Variants in CWH43 observed in about 807,000 individuals in gnomAD.
The protein encoded by CWH43 is cell wall biogenesis 43 C-terminal homolog, also known as PGAP2-interacting protein.
In CWH43, 91 loss-of-function variants were observed where a neutral mutation model predicts 85.7. The ratio of observed to expected loss-of-function variants is 1.06; its 90% CI spans 0.90 to 1.26. The LOEUF (loss-of-function observed/expected upper bound fraction) is 1.26, where lower values mean the gene tolerates loss of function less well. CWH43 is among the 50% of genes most tolerant of loss of function. The pLI, the probability that CWH43 is intolerant of heterozygous loss-of-function variation, is 0.00. For synonymous variants in CWH43, 323 were observed against 293.6 expected (o/e 1.10, Z -1.02); for missense variants, 869 against 839.2 (o/e 1.04, Z -0.44).
At chr4:49,008,885 G>A (rs1285923546) in intron 8 of CWH43, among the ~76,000 whole-genome samples, 5 of 152,184 alleles carry the variant, frequency 3.3e-5, no homozygotes, top group African/African-American at 1.2e-4. Flanking sequence ...TAGACTTGTA[G>A]TATAGTTTGA....
intron 13 of CWH43, among the ~76,000 whole-genome samples, chr4:49,039,904 C>T (rs573170577): frequency 1.5e-3 from 227 of 152,060 alleles, no homozygotes; most frequent in Non-Finnish European, 2.8e-3. Context: ...CGTCCCCACA[C>T]CCCACAACAG....
Position 49,032,598 on chromosome 4 carries a change from A to T in CWH43, c.1541A>T (p.Lys514Ile), listed in dbSNP as rs980558185. Reference sequence around the variant, plus strand: ...GCTTTGTCAAGATACCCAATTGTGAAATCTGAGCATCACCTTCTTCCGTCA... The same window carrying T: ...GCTTTGTCAAGATACCCAATTGTGATATCTGAGCATCACCTTCTTCCGTCA... ...IMALSRYPIVKSEHHLLPSPE... is the reference protein window; with the variant it reads ...IMALSRYPIVISEHHLLPSPE... The change falls in exon 12 of 16, where the codon AAA becomes ATA. Residue 514 changes from lysine (K) to isoleucine (I), a missense_variant. Lys to Ile is a moderately radical substitution (Grantham distance 102, BLOSUM62 -3). Around this residue, in one of 3 missense-constraint regions of CWH43, gnomAD observed 577 missense variants for 513.1 expected, o/e 1.12. Coordinates refer to ENST00000226432, the MANE Select transcript of CWH43 (RefSeq NM_025087.3). 2.5e-6 allele frequency: 4 copies of T among 1,614,018 alleles called. No homozygotes were observed. The highest frequency in any genetic ancestry group is 2.5e-6 in the Non-Finnish European group (3 of 1,179,942).
chr4:49,019,931 T>C (rs1783686628), intron 9 of CWH43, among the ~76,000 whole-genome samples: 1 of 152,120 alleles, frequency 6.6e-6, no homozygotes, highest in Admixed American at 6.5e-5. Flanking sequence ...ATAAGTTCTT[T>C]AGAGGTGATT....
intron 12 of CWH43, among the ~76,000 whole-genome samples, chr4:49,034,058 AC>A (rs1239522336): frequency 2.6e-5 from 4 of 152,200 alleles, no homozygotes; most frequent in African/African-American, 9.7e-5. Context: ...ATATAAATAA[AC>A]CATCCAAATA....
chr4:48,987,910 T>G (rs1031345955), intron 1 of CWH43, among the ~76,000 whole-genome samples: 1 of 152,120 alleles, frequency 6.6e-6, no homozygotes, highest in Non-Finnish European at 1.5e-5. Context: ...TTTTGGACTC[T>G]CACAATATTT....
chr4:49,013,034 A>G (rs1458795520), intron 8 of CWH43, among the ~76,000 whole-genome samples: 2 of 152,204 alleles, frequency 1.3e-5, no homozygotes, highest in Non-Finnish European at 2.9e-5. Flanking sequence ...GAGCTGTCAG[A>G]CAGGGACGTT....
chr4:48,986,567 A>C, intron 1 of CWH43, 95 bp downstream of exon 1: 1 of 1,534,336 alleles, frequency 6.5e-7, no homozygotes, highest in East Asian at 2.5e-5. Context: ...GAGTTCAGGT[A>C]GGAGGAAAAG....
At chr4:49,013,153 T>C (rs1480261669) in intron 8 of CWH43, among the ~76,000 whole-genome samples, 3 of 152,252 alleles carry the variant, frequency 2.0e-5, no homozygotes, top group Non-Finnish European at 4.4e-5. Flanking sequence ...TCCACCCTGT[T>C]CCAGCTTCCT....
chr4:49,000,923 C>T (rs2109756775), intron 6 of CWH43, among the ~76,000 whole-genome samples: 1 of 152,310 alleles, frequency 6.6e-6, no homozygotes, highest in South Asian at 2.1e-4. Context: ...CTTCATCTTC[C>T]TTTCTGATCA....
Position 49,032,586 on chromosome 4 carries a change from A to G in CWH43, c.1529A>G (p.Tyr510Cys). 2 of 1,613,998 alleles carry G rather than the reference A, an allele frequency of 1.2e-6. No homozygotes were observed. The highest frequency in any genetic ancestry group is 1.7e-6 in the Non-Finnish European group (2 of 1,179,932). The change falls in exon 12 of 16, where the codon TAC becomes TGC. Residue 510 changes from tyrosine (Y) to cysteine (C), a missense_variant. Coordinates refer to ENST00000226432, the MANE Select transcript of CWH43 (RefSeq NM_025087.3). ...HTWGIMALSRYPIVKSEHHLL... is the reference protein window; with the variant it reads ...HTWGIMALSRCPIVKSEHHLL... ...TACAGGATTATGGCTTTGTCAAGAT[A>G]CCCAATTGTGAAATCTGAGCATCAC... is the stretch of plus-strand genomic sequence containing the variant.
At chr4:49,040,435 A>C (rs1281063790) in intron 13 of CWH43, among the ~76,000 whole-genome samples, 1 of 152,126 alleles carries the variant, frequency 6.6e-6, no homozygotes, top group South Asian at 2.1e-4. Context: ...AATGATAGCC[A>C]TTCTAACTGG....
chr4:49,059,652 C>T (rs1399976943), intron 15 of CWH43, among the ~76,000 whole-genome samples: 3 of 152,180 alleles, frequency 2.0e-5, no homozygotes, highest in African/African-American at 7.2e-5. Context: ...TCTAGCTGGG[C>T]TCATGGGTGG....
At chr4:49,013,928 G>A (rs1212504553) in intron 8 of CWH43, among the ~76,000 whole-genome samples, 1 of 152,190 alleles carries the variant, frequency 6.6e-6, no homozygotes, top group Admixed American at 6.5e-5. Context: ...TGTACTGAAT[G>A]TATTTAATGT....
At chr4:49,017,420 T>A (rs1171982841) in intron 9 of CWH43, 92 bp downstream of exon 9, 2 of 900,480 alleles carry the variant, frequency 2.2e-6, no homozygotes, top group Non-Finnish European at 3.4e-6. Flanking sequence ...AACCTGGATC[T>A]GATGACTTCA....
intron 9 of CWH43, among the ~76,000 whole-genome samples, chr4:49,028,048 G>A (rs769815425): frequency 2.0e-4 from 31 of 152,272 alleles, no homozygotes; most frequent in South Asian, 1.0e-3. Context: ...GTATCCCTCT[G>A]TGTGATTTAT....
chr4:49,023,303 T>C (rs1252261933), intron 9 of CWH43, among the ~76,000 whole-genome samples: 2 of 152,222 alleles, frequency 1.3e-5, no homozygotes, highest in African/African-American at 2.4e-5. Flanking sequence ...ACAATGATCA[T>C]TCAAGAGCAG....
chr4:49,056,630 T>C (rs1302386122), intron 15 of CWH43, among the ~76,000 whole-genome samples: 1 of 152,082 alleles, frequency 6.6e-6, no homozygotes, highest in Non-Finnish European at 1.5e-5. Context: ...GTTTCATATT[T>C]TTTTTTATTT....
intron 5 of CWH43, among the ~76,000 whole-genome samples, chr4:48,996,155 C>T (rs372636631): frequency 8.5e-4 from 130 of 152,278 alleles, no homozygotes; most frequent in Non-Finnish European, 1.5e-3. Context: ...GCCTTGATGT[C>T]CTGGCAAGCC....
At chr4:49,051,842 G>A (rs1784808399) in intron 15 of CWH43, among the ~76,000 whole-genome samples, 1 of 152,152 alleles carries the variant, frequency 6.6e-6, no homozygotes, top group Non-Finnish European at 1.5e-5. Flanking sequence ...CTCCCAAAGG[G>A]CTGGGATTAC....
Sources: gnomAD v4.1 joint callset for allele counts (sites outside exome capture counted in the v4.1 genomes callset) on GRCh38, gnomAD v4.1.1 for gene constraint, gnomAD v4.1.1 regional missense constraint, MANE v1.5 for transcripts, NCBI Gene and HGNC (gene_info 2026-07-23, HGNC 2026-07-21) for gene names.